The following CCDC102B variants were observed in gnomAD, a reference collection of about 807,000 sequenced individuals.
CCDC102B encodes the protein coiled-coil domain-containing protein 102B.
A neutral mutation model predicts 57.4 loss-of-function variants in CCDC102B; 75 were observed. The observed-to-expected ratio is 1.31, with a 90% CI of 1.08 to 1.58. The LOEUF is 1.58. Among genes scored for constraint, CCDC102B ranks in the 40% most tolerant of loss-of-function variants. The pLI, the probability that CCDC102B is intolerant of heterozygous loss-of-function variation, is 0.00. For synonymous variants in CCDC102B, 206 were observed against 201.9 expected, an observed-to-expected ratio of 1.02 and a Z score of -0.17; for missense variants, 636 against 582.6, an observed-to-expected ratio of 1.09 and a Z score of -0.94.
chr18:68,785,985 C>A (rs965921762), intron 2 of CCDC102B, among the ~76,000 whole-genome samples: 86 of 151,956 alleles, frequency 5.7e-4, no homozygotes, highest in African/African-American at 1.9e-3. Context: ...GTCTTTAATC[C>A]ATCTTGAATT....
chr18:68,779,682 G>T (rs2034942054), intron 2 of CCDC102B, among the ~76,000 whole-genome samples: 1 of 152,030 alleles, frequency 6.6e-6, no homozygotes, highest in South Asian at 2.1e-4. Context: ...AGAAAATCAT[G>T]CAGTGAGGAA....
intron 3 of CCDC102B, among the ~76,000 whole-genome samples, chr18:68,840,481 A>G (rs897984602): frequency 2.0e-5 from 3 of 152,208 alleles, no homozygotes; most frequent in African/African-American, 7.2e-5. Context: ...TGATCATACA[A>G]GTATCTATGT....
At chr18:68,727,048 G>T (rs575017010) in intron 2 of CCDC102B, among the ~76,000 whole-genome samples, 3 of 152,052 alleles carry the variant, frequency 2.0e-5, no homozygotes, top group African/African-American at 7.2e-5. Flanking sequence ...TGGAAAAATC[G>T]TTATCATCTA....
At chr18:68,717,419 A>G (rs1038143444) in intron 2 of CCDC102B, among the ~76,000 whole-genome samples, 2 of 152,194 alleles carry the variant, frequency 1.3e-5, no homozygotes, top group Non-Finnish European at 2.9e-5. Context: ...AGGTGTATTG[A>G]GTTAATTAAA....
intron 6 of CCDC102B, among the ~76,000 whole-genome samples, chr18:68,946,327 A>G (rs922265559): frequency 4.6e-5 from 7 of 152,104 alleles, no homozygotes; most frequent in Non-Finnish European, 1.0e-4. Flanking sequence ...TGCTTGCTAC[A>G]TATGCATGAA....
At position 68,836,896 on chromosome 18, in the gene CCDC102B, C is replaced by T. The variant is rs1568277549; in HGVS notation, c.133C>T (p.Pro45Ser). 3 of 1,614,128 alleles carry T rather than the reference C, an allele frequency of 1.9e-6. No homozygotes were observed. The highest frequency in any genetic ancestry group is 1.3e-5 in the African/African-American group (1 of 75,028). The change falls in exon 2 of 8, where the codon CCA (proline) becomes TCA (serine). Residue 45 changes from proline (P) to serine (S), a missense_variant. By Grantham distance (74) the Pro-to-Ser change is moderately conservative (BLOSUM62 -1). Coordinates refer to ENST00000360242, the MANE Select transcript of CCDC102B (RefSeq NM_024781.3). ...PPRDTCNTCF[P>S]LHGLQSHAAH... is the part of the protein sequence containing the mutation. ...CAGGGATACCTGTAATACCTGCTTC[C>T]CACTTCATGGGCTACAATCTCATGC... is the stretch of plus-strand genomic sequence containing the variant.
intron 3 of CCDC102B, among the ~76,000 whole-genome samples, chr18:68,843,638 A>G (rs2144808830): frequency 6.6e-6 from 1 of 152,178 alleles, no homozygotes; most frequent in East Asian, 1.9e-4. Flanking sequence ...TTATATCATC[A>G]TATTAAAGAT....
In CCDC102B at chr18:68,838,775, T is replaced by G. The variant is rs1568279680; in HGVS notation, c.676T>G (p.Leu226Val). ...GAAGCCCAATCTAGATGGTGTTGATTTATTCAACAATGGTGGTTCTGGAAA... is the reference window on the plus strand; with the variant it reads ...GAAGCCCAATCTAGATGGTGTTGATGTATTCAACAATGGTGGTTCTGGAAA... ...EMKPNLDGVDLFNNGGSGNGE... is the reference protein window; with the variant it reads ...EMKPNLDGVDVFNNGGSGNGE... The change falls in exon 3 of 8, where the codon TTA becomes GTA. Residue 226 changes from leucine (L) to valine (V), a missense_variant. By Grantham distance (32) the Leu-to-Val change is conservative. Coordinates refer to ENST00000360242, the MANE Select transcript of CCDC102B (RefSeq NM_024781.3). 1 of 1,614,062 alleles carries G rather than the reference T, an allele frequency of 6.2e-7. No individual in the cohort carries two copies. Among genetic ancestry groups the G allele is most frequent in the Non-Finnish European group, 8.5e-7 (1 of 1,179,958 alleles).
rs142260764 is a variant in CCDC102B, at chr18:69,034,085, T to G, written c.1435-19945T>G. Among the ~76,000 whole-genome samples the G allele has an allele frequency of 3.1e-3, 476 of 152,128 alleles. 4 individuals carry two copies. The highest frequency in any genetic ancestry group is 0.011 in the African/African-American group (463 of 41,570). On this transcript the variant is annotated intron_variant, in intron 7 of 7. Transcript: ENST00000360242. ...GTTGTGGTTTTTTTAATTACTATTA[T>G]TTTGGATACAAGTCCCTTCTCAGAT... is the stretch of plus-strand genomic sequence containing the variant.
At chr18:68,819,924 C>A (rs1167268772) in intron 1 of CCDC102B, among the ~76,000 whole-genome samples, 1 of 152,020 alleles carries the variant, frequency 6.6e-6, no homozygotes, top group African/African-American at 2.4e-5. Context: ...TGTATATTGA[C>A]TTTAGATCAG....
At chr18:68,894,791 T>G (rs534661498) in intron 5 of CCDC102B, among the ~76,000 whole-genome samples, 1 of 151,978 alleles carries the variant, frequency 6.6e-6, no homozygotes, top group Admixed American at 6.6e-5. Flanking sequence ...AAGGCATTAT[T>G]TAAGCTTTGT....
chr18:68,751,158 C>A (rs892403215), intron 2 of CCDC102B, among the ~76,000 whole-genome samples: 9 of 151,962 alleles, frequency 5.9e-5, no homozygotes, highest in Admixed American at 1.3e-4. Context: ...TCATTATTGG[C>A]AAGATTTATG....
At chr18:69,038,975 G>C (rs1021546398) in intron 7 of CCDC102B, among the ~76,000 whole-genome samples, 6 of 152,032 alleles carry the variant, frequency 3.9e-5, no homozygotes, top group African/African-American at 1.2e-4. Flanking sequence ...CCTTTCATCA[G>C]TTGCTCTTGT....
intron 2 of CCDC102B, among the ~76,000 whole-genome samples, chr18:68,744,633 A>G (rs1052625455): frequency 2.0e-5 from 3 of 152,120 alleles, no homozygotes; most frequent in South Asian, 4.1e-4. Flanking sequence ...GTCTCATACC[A>G]TGGATTCAAC....
chr18:68,719,210 T>C (rs1173158273), intron 2 of CCDC102B, among the ~76,000 whole-genome samples: 1 of 152,232 alleles, frequency 6.6e-6, no homozygotes, highest in Non-Finnish European at 1.5e-5. Context: ...AAATATGTGC[T>C]ACCAATCTTT....
intron 4 of CCDC102B, among the ~76,000 whole-genome samples, chr18:68,860,399 A>C (rs1318965587): frequency 2.8e-5 from 2 of 72,554 alleles, no homozygotes; most frequent in Non-Finnish European, 6.4e-5. Flanking sequence ...ACATGTATAC[A>C]TATGTAACTA....
intron 5 of CCDC102B, among the ~76,000 whole-genome samples, chr18:68,884,273 T>A (rs76700541): frequency 2.9e-3 from 434 of 152,166 alleles, no homozygotes; most frequent in Admixed American, 4.7e-3. Flanking sequence ...AGTGTTCACT[T>A]ATGAAAAAAA....
intron 2 of CCDC102B, among the ~76,000 whole-genome samples, chr18:68,755,663 C>A (rs947675879): frequency 5.3e-5 from 8 of 151,866 alleles, no homozygotes; most frequent in Admixed American, 4.6e-4. Flanking sequence ...TGGCAGCTGT[C>A]ATGTATCCAT....
chr18:69,036,679 T>G (rs1377659022), intron 7 of CCDC102B, among the ~76,000 whole-genome samples: 3 of 152,000 alleles, frequency 2.0e-5, no homozygotes, highest in South Asian at 2.1e-4. Context: ...TGAATACCCC[T>G]GCTGCATGGG....
Sources: allele counts gnomAD v4.1 joint callset (sites outside exome capture counted in the v4.1 genomes callset), GRCh38; gene constraint gnomAD v4.1.1; transcripts MANE v1.5; gene names NCBI Gene and HGNC (gene_info 2026-07-23, HGNC 2026-07-21).